IGF2BP2: variants seen among roughly 807,000 people sequenced by gnomAD.
IGF2BP2 encodes the protein insulin-like growth factor 2 mRNA-binding protein 2.
Under a neutral mutation model 75.8 loss-of-function variants are expected in IGF2BP2, and 17 were observed. The observed-to-expected ratio is 0.22, with a 90% CI of 0.15 to 0.34. IGF2BP2 has a LOEUF of 0.34. Ranked by LOEUF, IGF2BP2 falls within the 10% of genes least tolerant of loss-of-function variation. The probability of loss-of-function intolerance (pLI) is 1.00; values close to 1 mark genes in which losing one functional copy is unlikely to be tolerated. For synonymous variants in IGF2BP2, 288 were observed against 295.6 expected (o/e 0.97, Z 0.26); for missense variants, 516 against 772.4 (o/e 0.67, Z 3.93).
chr3:185,786,966 T>C (rs1735979419), intron 2 of IGF2BP2, among the ~76,000 whole-genome samples: 1 of 152,208 alleles, frequency 6.6e-6, no homozygotes, highest in Admixed American at 6.5e-5. Flanking sequence ...TGTAAAAGCC[T>C]TTCTTAGTTC....
chr3:185,692,947 G>A (rs986318045), intron 4 of IGF2BP2, among the ~76,000 whole-genome samples, 185 bp from the exon 5 acceptor site: 36 of 152,114 alleles, frequency 2.4e-4, no homozygotes, highest in African/African-American at 6.8e-4. Context: ...TATATAACAC[G>A]TTTGTAATCA....
intron 2 of IGF2BP2, among the ~76,000 whole-genome samples, chr3:185,726,413 G>T (rs762389812): frequency 6.6e-6 from 1 of 152,140 alleles, no homozygotes; most frequent in Non-Finnish European, 1.5e-5. Context: ...ATTTCCTGTG[G>T]GTCTGGAAGC....
At chr3:185,809,178 T>G (rs1180591339) in intron 2 of IGF2BP2, among the ~76,000 whole-genome samples, 2 of 152,198 alleles carry the variant, frequency 1.3e-5, no homozygotes, top group East Asian at 3.9e-4. Context: ...TTAATGGAAT[T>G]TGACTTTCAG....
intron 10 of IGF2BP2, among the ~76,000 whole-genome samples, chr3:185,664,177 A>C (rs1004822557): frequency 6.6e-6 from 1 of 152,168 alleles, no homozygotes; most frequent in Admixed American, 6.5e-5. Flanking sequence ...CAACCTTAGA[A>C]GCTGGAGGGA....
chr3:185,774,875 C>A (rs1734343199), intron 2 of IGF2BP2, among the ~76,000 whole-genome samples: 1 of 151,856 alleles, frequency 6.6e-6, no homozygotes, highest in African/African-American at 2.4e-5. Flanking sequence ...CAAAAATTAG[C>A]CGGGGATGCT....
chr3:185,713,211 T>G (rs1445885462), intron 2 of IGF2BP2: 1 of 346,902 alleles, frequency 2.9e-6, no homozygotes, highest in East Asian at 7.4e-5. Flanking sequence ...AGGTCAAAGT[T>G]CACATTTTCA....
intron 2 of IGF2BP2, among the ~76,000 whole-genome samples, chr3:185,723,741 T>C (rs1301183787): frequency 6.6e-6 from 1 of 151,664 alleles, no homozygotes; most frequent in Non-Finnish European, 1.5e-5. Flanking sequence ...AAACAACAGG[T>C]GAGTATGGAA....
At chr3:185,695,073 T>C (rs1258829144) in intron 4 of IGF2BP2, among the ~76,000 whole-genome samples, 2 of 151,574 alleles carry the variant, frequency 1.3e-5, no homozygotes, top group Non-Finnish European at 2.9e-5. Flanking sequence ...GGCGACAGAG[T>C]GAGACTCCGC....
intron 2 of IGF2BP2, among the ~76,000 whole-genome samples, chr3:185,744,275 T>C (rs1190642050): frequency 6.6e-6 from 1 of 152,216 alleles, no homozygotes; most frequent in East Asian, 1.9e-4. Flanking sequence ...TAAAAAGTAA[T>C]GCTGCTTTTA....
At chr3:185,700,851 T>C (rs932119555) in intron 2 of IGF2BP2, among the ~76,000 whole-genome samples, 9 of 152,014 alleles carry the variant, frequency 5.9e-5, no homozygotes, top group South Asian at 2.1e-4. Context: ...CAGCTGAATA[T>C]AGAATATTAT....
intron 2 of IGF2BP2, among the ~76,000 whole-genome samples, chr3:185,807,993 T>A (rs1173174497): frequency 6.6e-6 from 1 of 152,174 alleles, no homozygotes; most frequent in African/African-American, 2.4e-5. Context: ...GTTTTTGTTT[T>A]AATTAGCTGG....
chr3:185,802,579 G>A (rs918105717), intron 2 of IGF2BP2, among the ~76,000 whole-genome samples: 1 of 152,170 alleles, frequency 6.6e-6, no homozygotes. Context: ...ACTGGGTCTT[G>A]AGAACATTTT....
intron 2 of IGF2BP2, among the ~76,000 whole-genome samples, chr3:185,711,797 G>C (rs1414624923): frequency 6.6e-6 from 1 of 152,136 alleles, no homozygotes; most frequent in Non-Finnish European, 1.5e-5. Flanking sequence ...GCATGATTGA[G>C]AGAAGGAAGA....
chr3:185,664,294 C>G (rs957475764), intron 10 of IGF2BP2, among the ~76,000 whole-genome samples: 3 of 152,196 alleles, frequency 2.0e-5, no homozygotes, highest in African/African-American at 7.2e-5. Context: ...CTGCTGCGCT[C>G]ACCTGGGACA....
At chr3:185,802,822 A>G (rs1738464217) in intron 2 of IGF2BP2, among the ~76,000 whole-genome samples, 1 of 152,182 alleles carries the variant, frequency 6.6e-6, no homozygotes, top group Admixed American at 6.6e-5. Flanking sequence ...AACATCCACA[A>G]ACACTTTCCT....
intron 2 of IGF2BP2, among the ~76,000 whole-genome samples, chr3:185,754,781 C>T (rs891581694): frequency 6.6e-5 from 10 of 152,092 alleles, no homozygotes; most frequent in Non-Finnish European, 1.3e-4. Context: ...CCTAGGGATA[C>T]GTGGAAGTTT....
chr3:185,665,033 T>C (rs1390964121), intron 10 of IGF2BP2, among the ~76,000 whole-genome samples: 2 of 151,598 alleles, frequency 1.3e-5, no homozygotes, highest in Non-Finnish European at 2.9e-5. Context: ...GGCGTGTTGG[T>C]GTGCACCTGT....
intron 2 of IGF2BP2, among the ~76,000 whole-genome samples, chr3:185,798,221 G>A (rs189511633): frequency 5.3e-5 from 8 of 152,160 alleles, no homozygotes; most frequent in Admixed American, 4.6e-4. Context: ...TTGCTTTTCA[G>A]GGAAAAACAC....
At chr3:185,794,826 C>G (rs2149887708) in intron 2 of IGF2BP2, among the ~76,000 whole-genome samples, 1 of 152,250 alleles carries the variant, frequency 6.6e-6, no homozygotes, top group African/African-American at 2.4e-5. Flanking sequence ...TCCCCATCCT[C>G]CCCCTTCTCT....
Sources: allele counts gnomAD v4.1 joint callset (sites outside exome capture counted in the v4.1 genomes callset), GRCh38; gene constraint gnomAD v4.1.1; transcripts MANE v1.5; gene names NCBI Gene and HGNC (gene_info 2026-07-23, HGNC 2026-07-21).